Variants in CHN1 observed in about 807,000 individuals in gnomAD.
The protein encoded by CHN1 is N-chimaerin.
Under a neutral mutation model 59.5 loss-of-function variants are expected in CHN1, and 37 were observed. The observed-to-expected ratio is 0.62, with a 90% confidence interval of 0.48 to 0.82. The LOEUF is 0.82. Among genes scored for constraint, CHN1 ranks in the 40% least tolerant of loss-of-function variants. CHN1 has a pLI of 0.00. For synonymous variants in CHN1, 206 were observed against 200.4 expected (o/e 1.03, Z -0.24); for missense variants, 469 against 571.0 (o/e 0.82, Z 1.82).
intron 1 of CHN1, among the ~76,000 whole-genome samples, chr2:174,984,557 T>C (rs1459533873): frequency 2.0e-5 from 3 of 151,692 alleles, no homozygotes; most frequent in Admixed American, 6.6e-5. Context: ...TTAGTAGAGA[T>C]GGGGTTTCAC....
chr2:174,989,189 A>G (rs1044005809), intron 1 of CHN1, among the ~76,000 whole-genome samples: 21 of 151,736 alleles, frequency 1.4e-4, no homozygotes, highest in African/African-American at 5.1e-4. Context: ...CAGCCTGGCC[A>G]ACATGGTGAA....
At chr2:174,885,816 C>T (rs1225893959) in intron 5 of CHN1, among the ~76,000 whole-genome samples, 1 of 152,158 alleles carries the variant, frequency 6.6e-6, no homozygotes, top group African/African-American at 2.4e-5. Flanking sequence ...GTGCTACCTA[C>T]TATGTTTCAT....
At chr2:174,944,738 A>G in intron 3 of CHN1, 150 bp downstream of exon 3, 1 of 591,698 alleles carries the variant, frequency 1.7e-6, no homozygotes, top group East Asian at 2.8e-5. Context: ...TGAGAAGGAT[A>G]TTAAGAAAAA....
chr2:174,999,115 G>A (rs1353384337), intron 1 of CHN1, among the ~76,000 whole-genome samples: 5 of 151,440 alleles, frequency 3.3e-5, no homozygotes, highest in African/African-American at 1.2e-4. Flanking sequence ...ACTGTACCCT[G>A]TTTCCTTAGT....
At chr2:174,885,123 T>TAA (rs557769053) in intron 5 of CHN1, among the ~76,000 whole-genome samples, 2 of 134,962 alleles carry the variant, frequency 1.5e-5, no homozygotes, top group Non-Finnish European at 3.2e-5. Context: ...CCATCTCTAC[T>TAA]AAAAAAAAAA....
At chr2:174,985,003 T>C (rs1445468745) in intron 1 of CHN1, among the ~76,000 whole-genome samples, 1 of 152,224 alleles carries the variant, frequency 6.6e-6, no homozygotes, top group Non-Finnish European at 1.5e-5. Context: ...TTTTTGCAAG[T>C]CTTAGGTTTC....
chr2:174,841,557 T>C lies in CHN1; in HGVS notation c.627+5323A>G, dbSNP rs184620547. Reference sequence around the variant, plus strand: ...CTATGCTACATACTGATCTGCGCTATTTTTGTCTTCTCTTGCAAGTGGCCC... The same window carrying C: ...CTATGCTACATACTGATCTGCGCTACTTTTGTCTTCTCTTGCAAGTGGCCC... On this transcript the variant is annotated intron_variant, in intron 7 of 12. Coordinates refer to ENST00000409900, the MANE Select transcript of CHN1 (RefSeq NM_001822.7). Among the ~76,000 whole-genome samples the C allele has an allele frequency of 1.6e-4, 24 of 152,318 alleles. 1 individual carries two copies. The highest frequency in any genetic ancestry group is 5.8e-4 in the African/African-American group (24 of 41,564).
intron 3 of CHN1, among the ~76,000 whole-genome samples, chr2:174,924,123 T>C (rs1689097528): frequency 6.6e-6 from 1 of 152,236 alleles, no homozygotes. Flanking sequence ...AGACACTTTC[T>C]GTACTCCTCC....
At chr2:174,906,613 A>T (rs536183523) in intron 5 of CHN1, among the ~76,000 whole-genome samples, 126 of 152,318 alleles carry the variant, frequency 8.3e-4, no homozygotes, top group Non-Finnish European at 2.2e-4. Context: ...AAACAGTTTT[A>T]AAAAAGTAAG....
At position 174,799,932 on chromosome 2, in the gene CHN1, G is replaced by A. The variant is rs929030208; in HGVS notation, c.*184C>T. The A allele has an allele frequency of 1.5e-5, 10 of 687,502 alleles. No homozygotes were observed. The highest frequency in any genetic ancestry group is 8.1e-5 in the Admixed American group (4 of 49,258). 42.6% of individuals were successfully genotyped at this position (687,502 alleles called of 1,614,324 possible). ...CCCAGGATTACTAGAACCAGAAAGC[G>A]TGTGTTCACTGTTTTACAAGACAGC... is the stretch of plus-strand genomic sequence containing the variant. On this transcript the variant is annotated 3_prime_UTR_variant, in exon 13 of 13. Coordinates refer to ENST00000409900, the MANE Select transcript of CHN1 (RefSeq NM_001822.7).
intron 7 of CHN1, among the ~76,000 whole-genome samples, chr2:174,833,593 T>C (rs1002478057): frequency 1.3e-5 from 2 of 152,218 alleles, no homozygotes; most frequent in African/African-American, 4.8e-5. Flanking sequence ...CCTGACAATC[T>C]CTGCCTTTTA....
chr2:174,843,163 GAA>G (rs1364954821), intron 7 of CHN1, among the ~76,000 whole-genome samples: 1 of 152,146 alleles, frequency 6.6e-6, no homozygotes, highest in Admixed American at 6.5e-5. Flanking sequence ...AGTTTAATTT[GAA>G]AAGAGTAAAA....
At chr2:174,816,920 T>C (rs1236437777) in intron 8 of CHN1, among the ~76,000 whole-genome samples, 1 of 152,050 alleles carries the variant, frequency 6.6e-6, no homozygotes, top group Admixed American at 6.6e-5. Context: ...GAAAGGGCTC[T>C]TGGTAAAAAG....
chr2:174,810,269 C>T (rs1685028647), intron 10 of CHN1, among the ~76,000 whole-genome samples: 1 of 152,184 alleles, frequency 6.6e-6, no homozygotes, highest in Admixed American at 6.5e-5. Context: ...TGCATCATTA[C>T]TATAGATCTT....
intron 7 of CHN1, among the ~76,000 whole-genome samples, chr2:174,845,326 T>C (rs904698983): frequency 4.6e-5 from 7 of 152,172 alleles, no homozygotes; most frequent in African/African-American, 1.7e-4. Flanking sequence ...TTCCTCTTTA[T>C]TAGTAACCCA....
chr2:174,922,187 C>T (rs183846028), intron 3 of CHN1, among the ~76,000 whole-genome samples: 5 of 152,090 alleles, frequency 3.3e-5, no homozygotes, highest in Admixed American at 6.5e-5. Flanking sequence ...CCTTTGCTTA[C>T]GAAGATGAAA....
intron 8 of CHN1, among the ~76,000 whole-genome samples, chr2:174,823,678 G>T (rs1031722896): frequency 1.3e-5 from 2 of 150,648 alleles, no homozygotes; most frequent in Non-Finnish European, 3.0e-5. Context: ...AAAAAAAAAA[G>T]AATTTAAAGT....
chr2:174,986,757 G>T (rs1691357649), intron 1 of CHN1, among the ~76,000 whole-genome samples: 1 of 152,192 alleles, frequency 6.6e-6, no homozygotes, highest in African/African-American at 2.4e-5. Flanking sequence ...CTTGTTTTGA[G>T]ACGGAGTCTC....
chr2:174,812,084 T>C, intron 9 of CHN1: 1 of 386,158 alleles, frequency 2.6e-6, no homozygotes, highest in Non-Finnish European at 4.6e-6. Context: ...ATAAATATAT[T>C]TTTATACAAG....
Sources: allele counts gnomAD v4.1 joint callset (sites outside exome capture counted in the v4.1 genomes callset), GRCh38; gene constraint gnomAD v4.1.1; transcripts MANE v1.5; gene names NCBI Gene and HGNC (gene_info 2026-07-23, HGNC 2026-07-21).